The following GRM4 variants were observed in gnomAD, a reference collection of about 807,000 sequenced individuals.
The protein encoded by GRM4 is glutamate metabotropic receptor 4, also known as metabotropic glutamate receptor 4.
GRM4 carries 28 observed loss-of-function variants against 81.7 expected under a neutral mutation model. The ratio of observed to expected loss-of-function variants is 0.34; its 90% CI spans 0.25 to 0.47. The LOEUF is 0.47. Among genes scored for constraint, GRM4 ranks in the 20% least tolerant of loss-of-function variants. The pLI, the probability that GRM4 is intolerant of heterozygous loss-of-function variation, is 1.00. For synonymous variants in GRM4, 488 were observed against 528.8 expected, an observed-to-expected ratio of 0.92 and a Z score of 1.06; for missense variants, 948 against 1,290.0, an observed-to-expected ratio of 0.73 and a Z score of 4.06.
At chr6:34,083,171 G>A (rs775045594) in intron 3 of GRM4, among the ~76,000 whole-genome samples, 2 of 152,134 alleles carry the variant, frequency 1.3e-5, no homozygotes, top group Non-Finnish European at 2.9e-5. Flanking sequence ...GCATGTCCCC[G>A]TCTGGACGAG....
intron 3 of GRM4, chr6:34,091,671 G>A: frequency 1.7e-6 from 1 of 589,490 alleles, no homozygotes; most frequent in Non-Finnish European, 3.0e-6. Context: ...CGTCTGCAAA[G>A]GCCTCACAGT....
At position 34,091,926 on chromosome 6, in the gene GRM4, A is replaced by G. The variant is rs752472523; in HGVS notation, c.693T>C (p.Gly231=). 6 of 1,614,020 alleles carry G rather than the reference A, an allele frequency of 3.7e-6. No individual in the cohort carries two copies. The highest frequency in any genetic ancestry group is 5.1e-6 in the Non-Finnish European group (6 of 1,179,926). The part of the protein sequence containing the change: ...VSTVASEGSY[G]ESGVEAFIQK... ...GGATGAAGGCCTCCACACCGCTCTC[A>G]CCATAGCTGCCCTCCGAGGCCACTG... Residue 231 remains glycine, a synonymous_variant, in exon 3 of 11, where the codon GGT becomes GGC. Transcript: ENST00000538487.
At chr6:34,041,019 C>T (rs1764997843) in intron 6 of GRM4, among the ~76,000 whole-genome samples, 1 of 152,210 alleles carries the variant, frequency 6.6e-6, no homozygotes, top group African/African-American at 2.4e-5. Context: ...CCAGAATATC[C>T]AGGGCAGACT....
intron 1 of GRM4, 42 bp downstream of exon 1, chr6:34,145,958 C>T: frequency 1.1e-6 from 1 of 949,870 alleles, no homozygotes; most frequent in Non-Finnish European, 1.2e-6. Flanking sequence ...CTTCCGGAAG[C>T]CCCCCCCTTC....
rs1765444619 is a variant in GRM4, at chr6:34,048,223, GA to G, written c.1169-7476del. Reference sequence around the variant, plus strand: ...CCCCAGGGTCTGGTGGGGCCAGCTGGAAACCCCCACTCAGCCCCTTGCTGGG... The same window carrying G: ...CCCCAGGGTCTGGTGGGGCCAGCTGGAACCCCCACTCAGCCCCTTGCTGGG... On this transcript the variant is annotated intron_variant, in intron 6 of 10. Coordinates refer to ENST00000538487, the MANE Select transcript of GRM4 (RefSeq NM_000841.4). This position sits in a 1 kb window ranked among gnomAD's most constrained non-coding sequence, Gnocchi z 4.0. 6.6e-6 allele frequency among the ~76,000 whole-genome samples: 1 copy of G among 152,166 alleles called. No homozygotes were observed. The highest frequency in any genetic ancestry group is 1.5e-5 in the Non-Finnish European group (1 of 68,026).
chr6:34,155,091 C>A, exon 1 of GRM4: 1 of 1,523,188 alleles, frequency 6.6e-7, no homozygotes, highest in Non-Finnish European at 8.8e-7. Flanking sequence ...GAGCAGATTC[C>A]GGAAGGAGGC....
chr6:34,061,933 C>G lies in GRM4; in HGVS notation c.832G>C (p.Ala278Pro). 4 of 1,613,712 alleles carry G rather than the reference C, an allele frequency of 2.5e-6. No individual in the cohort carries two copies. Among genetic ancestry groups the G allele is most frequent in the Non-Finnish European group, 3.4e-6 (4 of 1,179,714 alleles). The change falls in exon 4 of 11, where the codon GCC (alanine) becomes CCC (proline). Residue 278 changes from alanine to proline, a missense_variant. Transcript: ENST00000538487. ...IIRRLLETSN[A>P]RAVIIFANED... is the part of the protein sequence containing the mutation. ...TTGGCAAAGATGATGACTGCCCTGG[C>G]GTTCGAAGTCTCCAGGAGGCGGCGG... is the stretch of plus-strand genomic sequence containing the variant.
intron 1 of GRM4, among the ~76,000 whole-genome samples, chr6:34,135,071 C>T (rs1470864207): frequency 1.3e-5 from 2 of 152,228 alleles, no homozygotes; most frequent in Non-Finnish European, 2.9e-5. Flanking sequence ...CAGCAAGCCA[C>T]TTGTCCATTC....
chr6:34,054,845 C>T (rs182421089), intron 6 of GRM4: 6 of 152,292 alleles, frequency 3.9e-5, no homozygotes, highest in East Asian at 3.9e-4. Flanking sequence ...TTTTCCATCC[C>T]GCCTGGGCAC....
At chr6:34,027,889 C>T (rs776505392) in intron 10 of GRM4, among the ~76,000 whole-genome samples, 4 of 152,326 alleles carry the variant, frequency 2.6e-5, no homozygotes, top group Non-Finnish European at 5.9e-5. Context: ...AGGTTCTCTC[C>T]AGGCCACCAG....
At chr6:34,122,313 GA>G (rs1769843093) in intron 2 of GRM4, among the ~76,000 whole-genome samples, 1 of 152,106 alleles carries the variant, frequency 6.6e-6, no homozygotes, top group South Asian at 2.1e-4. Context: ...CAGTCAGACA[GA>G]AGGAGGCAGG....
chr6:34,074,488 T>C lies in GRM4; in HGVS notation c.737-12460A>G, dbSNP rs115810490. Reference sequence around the variant, plus strand: ...CTTCCGCCCCCTACCAGGAGGCTGCTGGGCAGCGCAGGCAGTGTGGCTCAG... The same window carrying C: ...CTTCCGCCCCCTACCAGGAGGCTGCCGGGCAGCGCAGGCAGTGTGGCTCAG... On this transcript the variant is annotated intron_variant, in intron 3 of 10. Transcript: ENST00000538487. The surrounding 1 kb of genome is among the most constrained non-coding windows in gnomAD (Gnocchi z 4.9). Among the ~76,000 whole-genome samples the C allele has an allele frequency of 0.039, 5,429 of 140,346 alleles. 237 individuals are homozygous for C. Among genetic ancestry groups the C allele is most frequent in the African/African-American group, 0.12 (3,958 of 33,916 alleles). 92.1% of individuals were successfully genotyped at this position (140,346 alleles called of 152,430 possible). A position where few individuals can be genotyped will look rare whatever the true frequency, so the allele number is the denominator to read the frequency against.
chr6:34,053,611 A>G (rs1329738804), intron 6 of GRM4, among the ~76,000 whole-genome samples: 1 of 152,180 alleles, frequency 6.6e-6, no homozygotes, highest in Non-Finnish European at 1.5e-5. Flanking sequence ...TCACCTGTTT[A>G]GGGCGCACGC....
intron 5 of GRM4, among the ~76,000 whole-genome samples, chr6:34,057,372 G>A (rs774901643): frequency 2.6e-5 from 4 of 152,206 alleles, no homozygotes; most frequent in Non-Finnish European, 4.4e-5. Context: ...GGGCCACGTG[G>A]AGCTTCCTGC....
At chr6:34,109,246 G>A (rs1769264349) in intron 2 of GRM4, among the ~76,000 whole-genome samples, 1 of 152,206 alleles carries the variant, frequency 6.6e-6, no homozygotes, top group South Asian at 2.1e-4. Flanking sequence ...GTCCAGGTTC[G>A]ATGTGTCCAA....
chr6:34,044,162 A>G (rs1255065170), intron 6 of GRM4, among the ~76,000 whole-genome samples: 1 of 131,642 alleles, frequency 7.6e-6, no homozygotes, highest in Non-Finnish European at 1.6e-5. Flanking sequence ...ATATACACAT[A>G]CACACACATA....
intron 2 of GRM4, among the ~76,000 whole-genome samples, chr6:34,119,405 G>A (rs1769714091): frequency 6.6e-6 from 1 of 151,564 alleles, no homozygotes; most frequent in Non-Finnish European, 1.5e-5. Flanking sequence ...AAGAAAGAAA[G>A]AGAGAGAGGG....
intron 1 of GRM4, among the ~76,000 whole-genome samples, chr6:34,134,732 C>T (rs573612910): frequency 7.2e-5 from 11 of 152,226 alleles, no homozygotes; most frequent in African/African-American, 2.6e-4. Flanking sequence ...TCTCCCCACC[C>T]CCACTTCCTC....
At chr6:34,024,271 C>T (rs1342807331) in intron 10 of GRM4, 3 of 197,442 alleles carry the variant, frequency 1.5e-5, no homozygotes. Context: ...GTGCAGCTCC[C>T]ATGTCATTCA....
Sources: gnomAD v4.1 joint callset for allele counts (sites outside exome capture counted in the v4.1 genomes callset) on GRCh38, gnomAD v4.1.1 for gene constraint, Gnocchi (gnomAD v3.1) non-coding constraint, MANE v1.5 for transcripts, NCBI Gene and HGNC (gene_info 2026-07-23, HGNC 2026-07-21) for gene names.